The following CEP295NL variants were observed in gnomAD, a reference collection of about 807,000 sequenced individuals.
CEP295NL encodes protein DDC8 homolog.
A neutral mutation model predicts 4.6 loss-of-function variants in CEP295NL; 3 were observed. The ratio of observed to expected loss-of-function variants is 0.65; its 90% CI spans 0.30 to 1.69. CEP295NL has a LOEUF of 1.69. CEP295NL is among the 40% of genes most tolerant of loss of function. CEP295NL has a pLI of 0.10. For missense variants in CEP295NL, 719 were observed against 769.0 expected (o/e 0.93, Z 0.77); for synonymous variants, 295 against 312.2 (o/e 0.94, Z 0.58).
At chr17:78,901,403 G>A (rs62074364) in intron 2 of CEP295NL, 2,809 of 261,798 alleles carry the variant, frequency 0.011, 22 homozygotes, top group Non-Finnish European at 0.015. Flanking sequence ...AAATCTGAAC[G>A]AGGGAGAGGT....
chr17:78,893,428 CAGGG>C (rs2069947107), intron 2 of CEP295NL, among the ~76,000 whole-genome samples: 2 of 68,216 alleles, frequency 2.9e-5, no homozygotes, highest in South Asian at 5.2e-4. Context: ...GGTGTGTGTG[CAGGG>C]GTGTGTGCGT....
rs2069894585 is a variant in CEP295NL at position 78,891,533 on chromosome 17, G to A, written c.971C>T (p.Ser324Phe). ...ADSSCRREAVSPASQCTLREK... is the reference protein window; with the variant it reads ...ADSSCRREAVFPASQCTLREK... Reference sequence around the variant, plus strand: ...CCGGAGCGTGCACTGAGATGCTGGGGACACGGCTTCCCTTCTGCAGCTGGA... The same window carrying A: ...CCGGAGCGTGCACTGAGATGCTGGGAACACGGCTTCCCTTCTGCAGCTGGA... Residue 324 changes from serine (S) to phenylalanine (F), a missense_variant, in exon 3 of 3, where the codon TCC (serine) becomes TTC (phenylalanine). Physicochemically the swap from Ser to Phe is radical, Grantham distance 155 (BLOSUM62 -2). Coordinates refer to ENST00000322630, the MANE Select transcript of CEP295NL (RefSeq NM_001243540.2). This position sits in a 1 kb window ranked among gnomAD's most constrained non-coding sequence, Gnocchi z 4.5. 6.4e-7 allele frequency: 1 copy of A among 1,551,076 alleles called. No individual in the cohort carries two copies. The highest frequency in any genetic ancestry group is 1.2e-5 in the South Asian group (1 of 84,062).
chr17:78,891,793 G>A lies in CEP295NL; in HGVS notation c.711C>T (p.Arg237=). 6.4e-7 allele frequency: 1 copy of A among 1,551,092 alleles called. No individual in the cohort carries two copies. The highest frequency in any genetic ancestry group is 2.0e-5 in the Admixed American group (1 of 51,014). The change falls in exon 3 of 3, where the codon CGC becomes CGT. Residue 237 remains arginine (R), a synonymous_variant. Transcript: ENST00000322630. The surrounding 1 kb of genome is among the most constrained non-coding windows in gnomAD (Gnocchi z 4.5). ...TGCTCCTCCGAGGATGGATGGCACA[G>A]CGGCCACCCCCAGACTTGGTCGAAG... ...PEPSTKSGGG[R]CAIHPRRSKG... is the part of the protein sequence containing the mutation.
chr17:78,900,671 G>A (rs1340153079), intron 2 of CEP295NL, among the ~76,000 whole-genome samples: 1 of 152,164 alleles, frequency 6.6e-6, no homozygotes, highest in African/African-American at 2.4e-5. Context: ...GGGCATCCCC[G>A]GATACAGATA....
Position 78,896,993 on chromosome 17 carries a change from C to T in CEP295NL, c.45-4534G>A, listed in dbSNP as rs2070011583. On this transcript the variant is annotated intron_variant, in intron 2 of 2. Coordinates refer to ENST00000322630, the MANE Select transcript of CEP295NL (RefSeq NM_001243540.2). This position sits in a 1 kb window ranked among gnomAD's most constrained non-coding sequence, Gnocchi z 4.4. ...TTGAGAATGACGTCCAAGCAGCTCG[C>T]CTTTCCCTGGGCGGCCGCTCAGACA... is the stretch of plus-strand genomic sequence containing the variant. 1.0e-6 allele frequency: 1 copy of T among 985,408 alleles called. No individual in the cohort carries two copies. The highest frequency in any genetic ancestry group is 1.2e-6 in the Non-Finnish European group (1 of 829,922). The allele number at this position is 985,408 out of a possible 1,614,324, so 61.0% of individuals were successfully genotyped here. A position where few individuals can be genotyped will look rare whatever the true frequency, so the allele number is the denominator to read the frequency against.
chr17:78,892,492 A>C (rs2069917490), intron 2 of CEP295NL, 33 bp from the exon 3 acceptor site: 1 of 1,524,732 alleles, frequency 6.6e-7, no homozygotes, highest in South Asian at 1.2e-5. Context: ...GCAGCTTTCC[A>C]GATCGCTCCC....
chr17:78,896,234 T>G lies in CEP295NL; in HGVS notation c.45-3775A>C, dbSNP rs956090447. 9.9e-5 allele frequency among the ~76,000 whole-genome samples: 15 copies of G among 152,214 alleles called. No individual in the cohort carries two copies. Among genetic ancestry groups the G allele is most frequent in the Non-Finnish European group, 1.5e-4 (10 of 68,032 alleles). ...GCAGAGGGCAGGGTCTCACGTGGACTTGTGCAGGCACTGGCAGGGAAAGCA... is the reference window on the plus strand; with the variant it reads ...GCAGAGGGCAGGGTCTCACGTGGACGTGTGCAGGCACTGGCAGGGAAAGCA... On this transcript the variant is annotated intron_variant, in intron 2 of 2. Transcript: ENST00000322630. The surrounding 1 kb of genome is among the most constrained non-coding windows in gnomAD (Gnocchi z 4.4).
At position 78,896,900 on chromosome 17, in the gene CEP295NL, C is replaced by G. The variant is rs1020954408; in HGVS notation, c.45-4441G>C. ...CCGATCCGATCCCAGCACCTGGGCCCAGGAATGTGCTTGGCCACCAGATTC... is the reference window on the plus strand; with the variant it reads ...CCGATCCGATCCCAGCACCTGGGCCGAGGAATGTGCTTGGCCACCAGATTC... On this transcript the variant is annotated intron_variant, in intron 2 of 2. Coordinates refer to ENST00000322630, the MANE Select transcript of CEP295NL (RefSeq NM_001243540.2). This position sits in a 1 kb window ranked among gnomAD's most constrained non-coding sequence, Gnocchi z 4.4. 2 of 984,424 alleles carry G rather than the reference C, an allele frequency of 2.0e-6. No individual in the cohort carries two copies. The highest frequency in any genetic ancestry group is 3.5e-5 in the African/African-American group (2 of 57,196). The allele number at this position is 984,424 out of a possible 1,614,324, so 61.0% of individuals were successfully genotyped here. A position where few individuals can be genotyped will look rare whatever the true frequency, so the allele number is the denominator to read the frequency against.
At position 78,891,784 on chromosome 17, in the gene CEP295NL, G is replaced by C; in HGVS notation, c.720C>G (p.Ile240Met). 2 of 1,551,152 alleles carry C rather than the reference G, an allele frequency of 1.3e-6. No homozygotes were observed. Among genetic ancestry groups the C allele is most frequent in the Non-Finnish European group, 1.7e-6 (2 of 1,147,114 alleles). Residue 240 changes from isoleucine to methionine, a missense_variant, in exon 3 of 3, where the codon ATC becomes ATG. Coordinates refer to ENST00000322630, the MANE Select transcript of CEP295NL (RefSeq NM_001243540.2). The surrounding 1 kb of genome is among the most constrained non-coding windows in gnomAD (Gnocchi z 4.5). ...STKSGGGRCA[I>M]HPRRSKGADL... The stretch of plus-strand genomic sequence containing the variant: ...CCGCCCCTTTGCTCCTCCGAGGATG[G>C]ATGGCACAGCGGCCACCCCCAGACT...
At chr17:78,893,490 GGT>G (rs2069950236) in intron 2 of CEP295NL, among the ~76,000 whole-genome samples, 2 of 149,142 alleles carry the variant, frequency 1.3e-5, no homozygotes, top group South Asian at 2.1e-4. Context: ...TGTGTGCAGG[GGT>G]GTGTGCGCGC....
chr17:78,891,625 G>A lies in CEP295NL; in HGVS notation c.879C>T (p.Thr293=), dbSNP rs2069896610. The A allele has an allele frequency of 4.5e-6, 7 of 1,550,770 alleles. No homozygotes were observed. The highest frequency in any genetic ancestry group is 1.4e-5 in the African/African-American group (1 of 73,026). The change falls in exon 3 of 3, where the codon ACC becomes ACT. Residue 293 remains threonine, a synonymous_variant. Coordinates refer to ENST00000322630, the MANE Select transcript of CEP295NL (RefSeq NM_001243540.2). This position sits in a 1 kb window ranked among gnomAD's most constrained non-coding sequence, Gnocchi z 4.5. ...CCAGACTCTGTCCCTGAGAGCGACT[G>A]GTCAGGGCTGGAACAAAGCAAACTG... The part of the protein sequence containing the change: ...KGAVCFVPAL[T]SRSQGQSLEG...
chr17:78,893,261 G>A (rs1021903359), intron 2 of CEP295NL, among the ~76,000 whole-genome samples: 9 of 149,012 alleles, frequency 6.0e-5, no homozygotes, highest in African/African-American at 2.2e-4. Flanking sequence ...GTGTGTGCAG[G>A]GGTGTGTGTG....
At chr17:78,895,627 C>G (rs1023403313) in intron 2 of CEP295NL, among the ~76,000 whole-genome samples, 2 of 152,196 alleles carry the variant, frequency 1.3e-5, no homozygotes, top group Non-Finnish European at 2.9e-5. Context: ...GATTCCACTC[C>G]TAGGTCTATA....
chr17:78,893,224 GGTGT>G (rs544733250), intron 2 of CEP295NL, among the ~76,000 whole-genome samples: 1 of 135,228 alleles, frequency 7.4e-6, no homozygotes, highest in South Asian at 2.5e-4. Flanking sequence ...TGTGTGCAGG[GGTGT>G]GTGTGCATGT....
intron 2 of CEP295NL, chr17:78,899,884 C>G (rs951342447): frequency 6.6e-6 from 1 of 152,230 alleles, no homozygotes; most frequent in Non-Finnish European, 1.5e-5. Context: ...CATAGTCAAG[C>G]GCTTTGTCTT....
intron 2 of CEP295NL, chr17:78,900,128 C>T (rs1004606047): frequency 6.6e-6 from 1 of 152,176 alleles, no homozygotes. Flanking sequence ...ACAGAGGTCC[C>T]ATAAACTAAG....
chr17:78,890,643 A>G lies in CEP295NL; in HGVS notation c.1861T>C (p.Cys621Arg), dbSNP rs756566862. 3.4e-4 allele frequency: 527 copies of G among 1,549,740 alleles called. No individual in the cohort carries two copies. Among genetic ancestry groups the G allele is most frequent in the Non-Finnish European group, 4.3e-4 (497 of 1,146,354 alleles). The change falls in exon 3 of 3, where the codon TGC becomes CGC. Residue 621 changes from cysteine (C) to arginine (R), a missense_variant. Coordinates refer to ENST00000322630, the MANE Select transcript of CEP295NL (RefSeq NM_001243540.2). ...RKCLREFQNI[C>R] is the part of the protein sequence containing the mutation. ...CCCGGGTGGGCCTCTCGCATTTAGC[A>G]TATGTTCTGAAACTCCCGCAAGCAT...
rs1435372078 is a variant in CEP295NL at position 78,892,040 on chromosome 17, G to C, written c.464C>G (p.Pro155Arg). 6 of 1,550,694 alleles carry C rather than the reference G, an allele frequency of 3.9e-6. No individual in the cohort carries two copies. Among genetic ancestry groups the C allele is most frequent in the Non-Finnish European group, 2.6e-6 (3 of 1,147,104 alleles). ...GGGCCTGGCTGATCTTCGCTGGATG[G>C]GCCCCTGCGAGTCAGGCTCATTTTC... is the stretch of plus-strand genomic sequence containing the variant. ...ARENEPDSQG[P>R]IQRRSARPPR... Residue 155 changes from proline to arginine, a missense_variant, in exon 3 of 3, where the codon CCC (proline) becomes CGC (arginine). By Grantham distance (103) the Pro-to-Arg change is moderately radical. Transcript: ENST00000322630.
chr17:78,900,544 CA>C (rs35575848), intron 2 of CEP295NL, among the ~76,000 whole-genome samples: 55,465 of 144,980 alleles, frequency 0.38, 10,878 homozygotes, highest in East Asian at 0.57. Context: ...GACTCCATTT[CA>C]AAAAAAAAAA....
Sources: gnomAD v4.1 joint callset for allele counts (sites outside exome capture counted in the v4.1 genomes callset) on GRCh38, gnomAD v4.1.1 for gene constraint, Gnocchi (gnomAD v3.1) non-coding constraint, MANE v1.5 for transcripts, NCBI Gene and HGNC (gene_info 2026-07-23, HGNC 2026-07-21) for gene names.